The following STMP1 variants were observed in gnomAD, a reference collection of about 807,000 sequenced individuals.
STMP1 encodes the protein mitolamban.
In STMP1, 7 loss-of-function variants were observed where a neutral mutation model predicts 7.0. The ratio of observed to expected loss-of-function variants is 1.01; its 90% confidence interval spans 0.57 to 1.89. The LOEUF (loss-of-function observed/expected upper bound fraction) is 1.89, where lower values mean the gene tolerates loss of function less well. STMP1 is among the 40% of genes most tolerant of loss of function. The pLI, the probability that STMP1 is intolerant of heterozygous loss-of-function variation, is 0.00. For missense variants in STMP1, 45 were observed against 53.0 expected (o/e 0.85, Z 0.47); for synonymous variants, 19 against 18.4 (o/e 1.03, Z -0.08).
intron 1 of STMP1, chr7:135,665,703 C>T (rs1229503723): frequency 6.6e-6 from 1 of 151,822 alleles, no homozygotes; most frequent in Non-Finnish European, 1.5e-5. Context: ...AAGTGAGCAC[C>T]CCCCTTTCTT....
chr7:135,667,683 T>G (rs1006441967), intron 1 of STMP1, among the ~76,000 whole-genome samples: 56 of 152,170 alleles, frequency 3.7e-4, no homozygotes, highest in African/African-American at 1.3e-3. Context: ...ATATTTTTAA[T>G]TTTGATGAGG....
intron 1 of STMP1, among the ~76,000 whole-genome samples, chr7:135,671,859 T>G (rs938499856): frequency 3.3e-5 from 5 of 152,246 alleles, no homozygotes; most frequent in Admixed American, 2.0e-4. Context: ...CTCCTTGTTG[T>G]GAATGTCCTT....
chr7:135,673,119 A>C, intron 2 of STMP1: 1 of 364,928 alleles, frequency 2.7e-6, no homozygotes, highest in South Asian at 5.0e-5. Context: ...ATCATGTGAT[A>C]AGTGAGAATT....
intron 1 of STMP1, among the ~76,000 whole-genome samples, chr7:135,664,517 C>G (rs908743980): frequency 6.6e-6 from 1 of 151,792 alleles, no homozygotes; most frequent in Non-Finnish European, 1.5e-5. Context: ...CCACCCGTGA[C>G]TAATTTTAAA....
chr7:135,668,697 C>T (rs909310579), intron 1 of STMP1, among the ~76,000 whole-genome samples: 1 of 152,234 alleles, frequency 6.6e-6, no homozygotes, highest in African/African-American at 2.4e-5. Flanking sequence ...GCCATTGTAC[C>T]TGGCTGCCCT....
intron 1 of STMP1, among the ~76,000 whole-genome samples, chr7:135,667,052 G>T (rs936148624): frequency 2.6e-5 from 4 of 152,128 alleles, no homozygotes; most frequent in African/African-American, 4.8e-5. Flanking sequence ...TATTGTTTTT[G>T]TTAAAGTAAT....
intron 1 of STMP1, among the ~76,000 whole-genome samples, chr7:135,669,698 G>A (rs117479887): frequency 0.012 from 1,773 of 152,342 alleles, 13 homozygotes; most frequent in Middle Eastern, 0.041. Context: ...TAATCTAAAT[G>A]TATTAAAATT....
chr7:135,662,881 T>TTG (rs1179715447), intron 1 of STMP1, among the ~76,000 whole-genome samples: 5 of 152,212 alleles, frequency 3.3e-5, no homozygotes, highest in African/African-American at 4.8e-5. Flanking sequence ...CCCGCGCTCA[T>TTG]TGTGCAATCT....
chr7:135,667,167 G>A (rs1211681985), intron 1 of STMP1, among the ~76,000 whole-genome samples: 1 of 152,106 alleles, frequency 6.6e-6, no homozygotes, highest in Non-Finnish European at 1.5e-5. Context: ...TGTAGCTTTG[G>A]AGAAATCCTT....
chr7:135,666,135 G>A (rs1281060104), intron 1 of STMP1, among the ~76,000 whole-genome samples: 1 of 151,990 alleles, frequency 6.6e-6, no homozygotes, highest in Non-Finnish European at 1.5e-5. Flanking sequence ...GTTTCACCAC[G>A]TTGGCCAGCC....
At chr7:135,670,351 GAGGTTT>G (rs1273697927) in intron 1 of STMP1, among the ~76,000 whole-genome samples, 1 of 152,178 alleles carries the variant, frequency 6.6e-6, no homozygotes, top group Non-Finnish European at 1.5e-5. Flanking sequence ...AACTACTGAT[GAGGTTT>G]CCAGGTCTTG....
chr7:135,669,658 AC>A (rs1354863733), intron 1 of STMP1, among the ~76,000 whole-genome samples: 1 of 152,048 alleles, frequency 6.6e-6, no homozygotes, highest in African/African-American at 2.4e-5. Context: ...GGTACTTAAC[AC>A]CCCCAGCAGC....
chr7:135,671,733 C>T lies in STMP1; in HGVS notation c.16-1020C>T, dbSNP rs549237048. Among the ~76,000 whole-genome samples the T allele has an allele frequency of 5.4e-4, 82 of 152,182 alleles. 1 individual carries two copies. Among genetic ancestry groups the T allele is most frequent in the South Asian group, 2.1e-3 (10 of 4,804 alleles). ...TAAATGTCCTGCCTGTTAGACTGTACCTGTGGCAGAGTGCTAAGCCATATG... is the reference window on the plus strand; with the variant it reads ...TAAATGTCCTGCCTGTTAGACTGTATCTGTGGCAGAGTGCTAAGCCATATG... On this transcript the variant is annotated intron_variant, in intron 1 of 2. Coordinates refer to ENST00000507606, the MANE Select transcript of STMP1 (RefSeq NM_001130929.2).
intron 1 of STMP1, among the ~76,000 whole-genome samples, chr7:135,668,843 G>A (rs111920898): frequency 1.3e-5 from 2 of 152,060 alleles, no homozygotes; most frequent in Admixed American, 6.5e-5. Flanking sequence ...TTCCCATCTC[G>A]TGCCTTGATT....
At chr7:135,674,060 A>G in intron 2 of STMP1, 31 bp from the exon 3 acceptor site, 2 of 1,460,342 alleles carry the variant, frequency 1.4e-6, no homozygotes, top group Non-Finnish European at 1.9e-6. Flanking sequence ...AGGTAGATGC[A>G]AAATTATAAT....
intron 1 of STMP1, among the ~76,000 whole-genome samples, chr7:135,666,750 T>G (rs1011373448): frequency 6.6e-6 from 1 of 152,254 alleles, no homozygotes; most frequent in Non-Finnish European, 1.5e-5. Flanking sequence ...TTTATTTCTA[T>G]TTTGTTAATT....
At chr7:135,664,747 T>A (rs1034368163) in intron 1 of STMP1, among the ~76,000 whole-genome samples, 26 of 152,124 alleles carry the variant, frequency 1.7e-4, no homozygotes, top group Non-Finnish European at 2.6e-4. Context: ...CTTTTTTTTT[T>A]AAATAAGTGG....
chr7:135,667,367 A>G (rs2129493239), intron 1 of STMP1, among the ~76,000 whole-genome samples: 1 of 152,208 alleles, frequency 6.6e-6, no homozygotes, highest in East Asian at 1.9e-4. Flanking sequence ...GTCCACCACC[A>G]TGCCTGGCTA....
At chr7:135,668,607 A>G (rs1297704783) in intron 1 of STMP1, among the ~76,000 whole-genome samples, 1 of 152,156 alleles carries the variant, frequency 6.6e-6, no homozygotes. Flanking sequence ...TTTCACCATG[A>G]TGCCCAGGCT....
Sources: gnomAD v4.1 joint callset for allele counts (sites outside exome capture counted in the v4.1 genomes callset) on GRCh38, gnomAD v4.1.1 for gene constraint, MANE v1.5 for transcripts, NCBI Gene and HGNC (gene_info 2026-07-23, HGNC 2026-07-21) for gene names.